Variants in SH3GL2 observed in about 807,000 individuals in gnomAD.
The protein encoded by SH3GL2 is endophilin-A1.
SH3GL2 carries 24 observed loss-of-function variants against 46.0 expected under a neutral mutation model. The observed-to-expected ratio is 0.52, with a 90% CI of 0.38 to 0.73. The LOEUF (loss-of-function observed/expected upper bound fraction) is 0.73. Among genes scored for constraint, SH3GL2 ranks in the 30% least tolerant of loss-of-function variants. SH3GL2 has a pLI of 0.00. For synonymous variants in SH3GL2, 196 were observed against 147.1 expected (o/e 1.33, Z -2.40); for missense variants, 413 against 424.2 (o/e 0.97, Z 0.23).
At chr9:17,662,166 G>A (rs1820235101) in intron 1 of SH3GL2, among the ~76,000 whole-genome samples, 1 of 152,158 alleles carries the variant, frequency 6.6e-6, no homozygotes, top group Admixed American at 6.5e-5. Context: ...GTTGGTTGAT[G>A]TCTTATTCAG....
chr9:17,764,702 A>G (rs973171270), intron 3 of SH3GL2, among the ~76,000 whole-genome samples: 2 of 97,136 alleles, frequency 2.1e-5, no homozygotes, highest in African/African-American at 7.8e-5. Flanking sequence ...CATCTTGGGT[A>G]CATGGACAGG....
intron 1 of SH3GL2, among the ~76,000 whole-genome samples, chr9:17,664,204 A>T (rs1315995053): frequency 6.6e-6 from 1 of 152,226 alleles, no homozygotes; most frequent in Non-Finnish European, 1.5e-5. Flanking sequence ...GAACTAAAAC[A>T]TGGAAATTGT....
chr9:17,689,839 CAGTT>C (rs1267300239), intron 1 of SH3GL2, among the ~76,000 whole-genome samples: 1 of 152,096 alleles, frequency 6.6e-6, no homozygotes, highest in Non-Finnish European at 1.5e-5. Context: ...TCATAATACT[CAGTT>C]ACTGAAATTA....
intron 1 of SH3GL2, among the ~76,000 whole-genome samples, chr9:17,696,435 A>G (rs1254570745): frequency 6.6e-6 from 1 of 152,220 alleles, no homozygotes; most frequent in Non-Finnish European, 1.5e-5. Flanking sequence ...TCACACTGCT[A>G]TGAAGAAATA....
intron 1 of SH3GL2, among the ~76,000 whole-genome samples, chr9:17,635,080 AC>A (rs1819511926): frequency 6.6e-6 from 1 of 152,136 alleles, no homozygotes; most frequent in Admixed American, 6.5e-5. Context: ...TGATTTCATC[AC>A]CCAGGTATTA....
chr9:17,732,447 C>T (rs1217308962), intron 1 of SH3GL2, among the ~76,000 whole-genome samples: 1 of 152,138 alleles, frequency 6.6e-6, no homozygotes, highest in African/African-American at 2.4e-5. Context: ...TTAATGTATT[C>T]TGGAGCATAT....
chr9:17,654,649 A>G (rs542879928), intron 1 of SH3GL2, among the ~76,000 whole-genome samples: 1 of 152,320 alleles, frequency 6.6e-6, no homozygotes, highest in Admixed American at 6.5e-5. Flanking sequence ...CAATGCTTAT[A>G]AAAAATTATG....
intron 3 of SH3GL2, among the ~76,000 whole-genome samples, chr9:17,779,181 C>G (rs113974362): frequency 0.012 from 1,892 of 152,198 alleles, 47 homozygotes; most frequent in African/African-American, 0.043. Flanking sequence ...GGTGGCCTAA[C>G]CCACTGGATA....
At chr9:17,580,370 T>A (rs1818255179) in intron 1 of SH3GL2, among the ~76,000 whole-genome samples, 1 of 152,168 alleles carries the variant, frequency 6.6e-6, no homozygotes, top group Non-Finnish European at 1.5e-5. Flanking sequence ...GGCAGCCTTG[T>A]TATGAACCAC....
At chr9:17,728,543 G>T (rs1008415246) in intron 1 of SH3GL2, among the ~76,000 whole-genome samples, 12 of 151,984 alleles carry the variant, frequency 7.9e-5, no homozygotes, top group African/African-American at 2.9e-4. Context: ...TTGTTACATA[G>T]GTATACATGT....
Position 17,697,765 on chromosome 9 carries a change from A to G in SH3GL2, c.46-49301A>G, listed in dbSNP as rs146552249. Reference sequence around the variant, plus strand: ...CCAAGGAATATTTAAACTGTCTCATAGTTTTGCAGAAGCAGAAAATGCTAG... The same window carrying G: ...CCAAGGAATATTTAAACTGTCTCATGGTTTTGCAGAAGCAGAAAATGCTAG... On this transcript the variant is annotated intron_variant, in intron 1 of 8. Transcript: ENST00000380607. 3.0e-3 allele frequency among the ~76,000 whole-genome samples: 454 copies of G among 152,300 alleles called. 1 individual carries two copies. Among genetic ancestry groups the G allele is most frequent in the Non-Finnish European group, 4.0e-3 (269 of 68,024 alleles).
intron 1 of SH3GL2, among the ~76,000 whole-genome samples, chr9:17,695,618 T>G (rs895986687): frequency 1.8e-4 from 27 of 151,518 alleles, no homozygotes; most frequent in Admixed American, 6.6e-5. Context: ...TGACTTTCTC[T>G]GTAAAAAGCC....
intron 1 of SH3GL2, among the ~76,000 whole-genome samples, chr9:17,699,783 C>T (rs1821300455): frequency 6.6e-6 from 1 of 152,190 alleles, no homozygotes; most frequent in South Asian, 2.1e-4. Flanking sequence ...TGGCATGTGC[C>T]ATCATTTATT....
intron 1 of SH3GL2, among the ~76,000 whole-genome samples, chr9:17,655,068 A>G (rs1252799953): frequency 6.6e-6 from 1 of 152,216 alleles, no homozygotes; most frequent in African/African-American, 2.4e-5. Context: ...AGGAGGATGA[A>G]TTAGATCAGC....
chr9:17,678,294 C>T (rs1820669071), intron 1 of SH3GL2, among the ~76,000 whole-genome samples: 1 of 152,240 alleles, frequency 6.6e-6, no homozygotes, highest in African/African-American at 2.4e-5. Context: ...TCTCCAGCAC[C>T]TGTTGTTTCC....
chr9:17,684,135 A>C (rs1820844356), intron 1 of SH3GL2, among the ~76,000 whole-genome samples: 2 of 152,178 alleles, frequency 1.3e-5, no homozygotes, highest in Non-Finnish European at 2.9e-5. Context: ...CAGATGTTAG[A>C]ACTATCAGAG....
intron 1 of SH3GL2, chr9:17,735,758 C>T: frequency 1.0e-6 from 1 of 980,646 alleles, no homozygotes; most frequent in Non-Finnish European, 1.2e-6. Context: ...ATAAAGCTGG[C>T]AGCTCTTTCC....
chr9:17,656,053 A>G (rs908744160), intron 1 of SH3GL2, among the ~76,000 whole-genome samples: 1 of 152,200 alleles, frequency 6.6e-6, no homozygotes. Context: ...AAGAACTGAA[A>G]AAGTTAAAAC....
chr9:17,579,509 CG>C (rs1449859540), intron 1 of SH3GL2, among the ~76,000 whole-genome samples: 1 of 151,982 alleles, frequency 6.6e-6, no homozygotes, highest in African/African-American at 2.4e-5. Flanking sequence ...TGCCTTCCCG[CG>C]GGTCCCCGGC....
Sources: gnomAD v4.1 joint callset for allele counts (sites outside exome capture counted in the v4.1 genomes callset) on GRCh38, gnomAD v4.1.1 for gene constraint, MANE v1.5 for transcripts, NCBI Gene and HGNC (gene_info 2026-07-23, HGNC 2026-07-21) for gene names.